PCDH11X: variants seen among roughly 807,000 people sequenced by gnomAD.
The protein encoded by PCDH11X is protocadherin-11 X-linked.
A neutral mutation model predicts 53.3 loss-of-function variants in PCDH11X; 18 were observed. The observed-to-expected ratio is 0.34, with a 90% CI of 0.23 to 0.50. The LOEUF is 0.50. Among genes scored for constraint, PCDH11X ranks in the 20% least tolerant of loss-of-function variants. The pLI is 0.98. For missense variants in PCDH11X, 570 were observed against 1,032.4 expected, an observed-to-expected ratio of 0.55 and a Z score of 6.14; for synonymous variants, 279 against 393.3, an observed-to-expected ratio of 0.71 and a Z score of 3.44.
intron 10 of PCDH11X, among the ~76,000 whole-genome samples, chrX:92,503,037 A>G (rs1001894146): frequency 2.1e-4 from 23 of 108,616 alleles, no homozygotes; most frequent in Non-Finnish European, 3.1e-4. Context: ...GAAAAAAAAC[A>G]AACACCTTCA....
intron 4 of PCDH11X, among the ~76,000 whole-genome samples, chrX:91,829,348 C>T (rs759240047): frequency 5.6e-5 from 6 of 107,296 alleles, no homozygotes; most frequent in African/African-American, 1.7e-4. Context: ...TACTACTTAT[C>T]CTTATATATA....
chrX:92,175,248 A>G (rs2065887324), intron 6 of PCDH11X, among the ~76,000 whole-genome samples: 1 of 111,836 alleles, frequency 8.9e-6, no homozygotes, highest in Non-Finnish European at 1.9e-5. Flanking sequence ...AAGTGTTGAG[A>G]TTACAGGCAT....
chrX:92,387,968 G>A, intron 9 of PCDH11X, 35 bp downstream of exon 9: 2 of 1,192,818 alleles, frequency 1.7e-6, no homozygotes, highest in Non-Finnish European at 2.3e-6. Context: ...CAATATAAAC[G>A]GGCTTACTGT....
chrX:92,600,920 T>C (rs1224755259), intron 10 of PCDH11X, among the ~76,000 whole-genome samples: 1 of 107,333 alleles, frequency 9.3e-6, no homozygotes, highest in Non-Finnish European at 1.9e-5. Flanking sequence ...GGTGATCATT[T>C]TGGAGCTTTA....
chrX:92,031,236 G>A (rs994487150), intron 6 of PCDH11X, among the ~76,000 whole-genome samples: 2 of 109,954 alleles, frequency 1.8e-5, no homozygotes, highest in Non-Finnish European at 1.9e-5. Flanking sequence ...AACAATCAAC[G>A]TTGAGCAACT....
chrX:92,274,508 C>T (rs1037034631), intron 8 of PCDH11X, among the ~76,000 whole-genome samples: 1 of 111,050 alleles, frequency 9.0e-6, no homozygotes, highest in Admixed American at 9.6e-5. Context: ...AGGACTCTAC[C>T]TGTCCAGTGA....
chrX:92,563,186 G>T (rs1181069383), intron 10 of PCDH11X, among the ~76,000 whole-genome samples: 2 of 102,142 alleles, frequency 2.0e-5, no homozygotes, highest in Admixed American at 2.2e-4. Context: ...CTCAGCATCT[G>T]GGAAGGCCTC....
Position 92,471,818 on chromosome X carries a change from G to A in PCDH11X, c.3367+3496G>A, listed in dbSNP as rs2073269186. The stretch of plus-strand genomic sequence containing the variant: ...TAGCCTTTCTGACTGGTGTGAGATA[G>A]TATCTCATTGTGGATTTGATTTGCA... On this transcript the variant is annotated intron_variant, in intron 10 of 10. Transcript: ENST00000682573. Among the ~76,000 whole-genome samples the A allele has an allele frequency of 2.8e-5, 3 of 105,425 alleles. No individual in the cohort carries two copies. The South Asian group carries it at 1.4e-3, about 48-fold the overall frequency. 91.5% of individuals were successfully genotyped at this position (105,425 alleles called of 115,157 possible). A position where few individuals can be genotyped will look rare whatever the true frequency, so the allele number is the denominator to read the frequency against.
At chrX:91,941,929 A>T (rs1365000983) in intron 6 of PCDH11X, among the ~76,000 whole-genome samples, 1 of 110,753 alleles carries the variant, frequency 9.0e-6, no homozygotes, top group Non-Finnish European at 1.9e-5. Flanking sequence ...ATAATTAAAA[A>T]CTAAATAGCA....
intron 6 of PCDH11X, among the ~76,000 whole-genome samples, chrX:92,124,317 C>T (rs186431046): frequency 1.8e-5 from 2 of 110,026 alleles, no homozygotes; most frequent in African/African-American, 3.3e-5. Context: ...GAGGCTGAGG[C>T]GGGCGGATCA....
At chrX:92,266,652 G>T (rs2067837602) in intron 8 of PCDH11X, among the ~76,000 whole-genome samples, 1 of 111,272 alleles carries the variant, frequency 9.0e-6, no homozygotes, top group Non-Finnish European at 1.9e-5. Context: ...TTAACCAGTT[G>T]TTATCCATGT....
chrX:91,861,412 G>A (rs908696494), intron 5 of PCDH11X, among the ~76,000 whole-genome samples: 7 of 109,728 alleles, frequency 6.4e-5, no homozygotes, highest in Non-Finnish European at 1.3e-4. Context: ...ATTCCTGTAG[G>A]GAGGCCTTGC....
At chrX:91,819,101 A>G (rs756006725) in intron 4 of PCDH11X, among the ~76,000 whole-genome samples, 1 of 111,294 alleles carries the variant, frequency 9.0e-6, no homozygotes, top group South Asian at 3.8e-4. Flanking sequence ...TTATAAATAA[A>G]AGTGGGGTTG....
At chrX:91,781,189 AT>A (rs995462027) in intron 1 of PCDH11X, among the ~76,000 whole-genome samples, 1 of 112,299 alleles carries the variant, frequency 8.9e-6, no homozygotes, top group Non-Finnish European at 1.9e-5. Flanking sequence ...CAAAATAAAA[AT>A]TTTTAAAGTG....
intron 9 of PCDH11X, among the ~76,000 whole-genome samples, chrX:92,447,732 G>A (rs1775073572): frequency 8.9e-6 from 1 of 112,431 alleles, no homozygotes; most frequent in Admixed American, 9.4e-5. Flanking sequence ...GTGAAAAGAG[G>A]GCCACTGTCC....
chrX:91,836,733 C>T (rs1937316234), intron 5 of PCDH11X, among the ~76,000 whole-genome samples: 1 of 110,868 alleles, frequency 9.0e-6, no homozygotes, highest in Non-Finnish European at 1.9e-5. Context: ...AAAAAAGAGT[C>T]AATCAGTTAA....
rs1284260520 is a variant in PCDH11X, at chrX:92,507,402, C to T, written c.3367+39080C>T. Among the ~76,000 whole-genome samples the T allele has an allele frequency of 2.7e-5, 3 of 111,162 alleles. No individual in the cohort carries two copies. The Admixed American group carries it at 2.9e-4, about 11-fold the overall frequency. The stretch of plus-strand genomic sequence containing the variant: ...TTTAACATTGCTTTAATAGCTGTGT[C>T]CCAGAGATTCTGGTATATTGTATCT... On this transcript the variant is annotated intron_variant, in intron 10 of 10. Transcript: ENST00000682573.
intron 8 of PCDH11X, among the ~76,000 whole-genome samples, chrX:92,292,292 G>T (rs2068509878): frequency 1.8e-5 from 2 of 112,028 alleles, no homozygotes; most frequent in African/African-American, 6.5e-5. Flanking sequence ...TTAAAGAAAA[G>T]AACAGAACAT....
chrX:92,554,724 A>T (rs1165885013), intron 10 of PCDH11X, among the ~76,000 whole-genome samples: 6 of 109,555 alleles, frequency 5.5e-5, no homozygotes, highest in African/African-American at 3.3e-5. Context: ...TGTTCTTATC[A>T]TCTGTTTTCT....
Sources: gnomAD v4.1 joint callset for allele counts (sites outside exome capture counted in the v4.1 genomes callset) on GRCh38, gnomAD v4.1.1 for gene constraint, MANE v1.5 for transcripts, NCBI Gene and HGNC (gene_info 2026-07-23, HGNC 2026-07-21) for gene names.